Variants in C8orf34 observed in about 807,000 individuals in gnomAD.
C8orf34 encodes the protein chromosome 8 open reading frame 34, also known as uncharacterized protein C8orf34.
C8orf34 carries 65 observed loss-of-function variants against 68.3 expected under a neutral mutation model. That is an observed-to-expected ratio of 0.95 (90% CI 0.78 to 1.17). The LOEUF (loss-of-function observed/expected upper bound fraction) is 1.17. C8orf34 is among the 50% of genes most tolerant of loss of function. The probability of loss-of-function intolerance (pLI) is 0.00; values close to 1 mark genes in which losing one functional copy is unlikely to be tolerated. For missense variants in C8orf34, 664 were observed against 655.4 expected, an observed-to-expected ratio of 1.01 and a Z score of -0.14; for synonymous variants, 244 against 241.2, an observed-to-expected ratio of 1.01 and a Z score of -0.11.
chr8:68,795,318 T>G (rs1337067825), intron 12 of C8orf34, among the ~76,000 whole-genome samples: 1 of 149,250 alleles, frequency 6.7e-6, no homozygotes, highest in Non-Finnish European at 1.5e-5. Flanking sequence ...CAGTTTTTAT[T>G]GACTGCTTTT....
intron 4 of C8orf34, among the ~76,000 whole-genome samples, chr8:68,471,521 C>T (rs1249333912): frequency 6.6e-6 from 1 of 152,100 alleles, no homozygotes; most frequent in Non-Finnish European, 1.5e-5. Flanking sequence ...CAACTGGAAC[C>T]AGGATGTAAT....
chr8:68,749,077 G>C (rs539699562), intron 10 of C8orf34, among the ~76,000 whole-genome samples: 2 of 152,076 alleles, frequency 1.3e-5, no homozygotes, highest in African/African-American at 4.8e-5. Flanking sequence ...ATGAGTTCAC[G>C]TCCTTTGTAG....
chr8:68,577,904 A>G (rs891361230), intron 7 of C8orf34, among the ~76,000 whole-genome samples: 1 of 151,942 alleles, frequency 6.6e-6, no homozygotes, highest in African/African-American at 2.4e-5. Context: ...CGAAAAAAAA[A>G]ATGCTGAAAT....
chr8:68,773,159 A>C (rs1236047856), intron 10 of C8orf34, among the ~76,000 whole-genome samples: 1 of 152,100 alleles, frequency 6.6e-6, no homozygotes, highest in African/African-American at 2.4e-5. Context: ...TTCATTAGCG[A>C]TCCCAGTGAG....
At chr8:68,569,178 G>T (rs2130246700) in intron 7 of C8orf34, among the ~76,000 whole-genome samples, 1 of 152,274 alleles carries the variant, frequency 6.6e-6, no homozygotes, top group African/African-American at 2.4e-5. Flanking sequence ...ACTAAGAAAA[G>T]AAACCTTAAA....
intron 1 of C8orf34, among the ~76,000 whole-genome samples, chr8:68,369,094 T>G (rs1465002955): frequency 6.6e-6 from 1 of 152,232 alleles, no homozygotes; most frequent in African/African-American, 2.4e-5. Flanking sequence ...CTATCTTCTT[T>G]TGGTTCAGAT....
At chr8:68,806,088 G>A (rs999356282) in intron 12 of C8orf34, among the ~76,000 whole-genome samples, 2 of 151,928 alleles carry the variant, frequency 1.3e-5, no homozygotes, top group African/African-American at 4.8e-5. Context: ...TTATATTTTA[G>A]CTTTGTAAAA....
intron 7 of C8orf34, among the ~76,000 whole-genome samples, chr8:68,636,003 G>A (rs1316807449): frequency 1.3e-5 from 2 of 152,156 alleles, no homozygotes; most frequent in Non-Finnish European, 2.9e-5. Context: ...ATTTACCAGA[G>A]ACCCAAAGGC....
At chr8:68,454,380 AG>A (rs1811464664) in intron 3 of C8orf34, among the ~76,000 whole-genome samples, 1 of 152,042 alleles carries the variant, frequency 6.6e-6, no homozygotes, top group African/African-American at 2.4e-5. Context: ...TTACCAGGGA[AG>A]CCGCTTTATC....
At chr8:68,544,242 A>T (rs78813628) in intron 7 of C8orf34, among the ~76,000 whole-genome samples, 1,912 of 152,300 alleles carry the variant, frequency 0.013, 14 homozygotes, top group Non-Finnish European at 0.02. Flanking sequence ...TGAGAAGTGA[A>T]TAGAGAAACA....
chr8:68,772,687 C>T (rs1362613005), intron 10 of C8orf34, among the ~76,000 whole-genome samples: 2 of 147,536 alleles, frequency 1.4e-5, no homozygotes, highest in African/African-American at 2.5e-5. Flanking sequence ...CTTTCTTTCC[C>T]TCCCTCCCTC....
chr8:68,804,068 G>A (rs746315675), intron 12 of C8orf34, among the ~76,000 whole-genome samples: 20 of 152,100 alleles, frequency 1.3e-4, no homozygotes, highest in Non-Finnish European at 2.8e-4. Context: ...ATCTGCAGTG[G>A]TAATGAATCT....
intron 10 of C8orf34, among the ~76,000 whole-genome samples, chr8:68,767,021 T>C (rs1049572858): frequency 6.6e-6 from 1 of 152,106 alleles, no homozygotes; most frequent in Non-Finnish European, 1.5e-5. Context: ...CTGTCTCTAC[T>C]AAAAATACCA....
chr8:68,641,043 A>T (rs1258567332), intron 8 of C8orf34, among the ~76,000 whole-genome samples: 1 of 152,212 alleles, frequency 6.6e-6, no homozygotes, highest in Non-Finnish European at 1.5e-5. Context: ...GTCAGCTCCC[A>T]GTGCTGGTCT....
intron 11 of C8orf34, among the ~76,000 whole-genome samples, chr8:68,786,201 A>T (rs1309689988): frequency 6.6e-6 from 1 of 152,190 alleles, no homozygotes; most frequent in East Asian, 1.9e-4. Flanking sequence ...AATATGTTTG[A>T]AAACATGTTC....
At chr8:68,540,820 C>T (rs371118715) in intron 7 of C8orf34, among the ~76,000 whole-genome samples, 6 of 149,318 alleles carry the variant, frequency 4.0e-5, no homozygotes, top group Non-Finnish European at 7.4e-5. Context: ...CCAGCCTGGG[C>T]GACAGAGCGA....
intron 10 of C8orf34, among the ~76,000 whole-genome samples, chr8:68,728,413 A>G (rs751710431): frequency 1.3e-4 from 19 of 151,950 alleles, no homozygotes; most frequent in Non-Finnish European, 2.1e-4. Flanking sequence ...AACTGTTCCA[A>G]CCTCTGCCTG....
Position 68,666,755 on chromosome 8 carries a change from T to C in C8orf34, c.1241+26244T>C, listed in dbSNP as rs1429416781. Among the ~76,000 whole-genome samples the C allele has an allele frequency of 2.0e-5, 3 of 152,178 alleles. No individual in the cohort carries two copies. The East Asian group carries it at 5.8e-4, about 29-fold the overall frequency. On this transcript the variant is annotated intron_variant, in intron 8 of 13. Transcript: ENST00000518698. ...ACTCCAAATTATATTTTTGTTTACA[T>C]ACAAAAAGAAACAATTTAGAAAAAA... is the stretch of plus-strand genomic sequence containing the variant.
chr8:68,673,308 C>T lies in C8orf34; in HGVS notation c.1241+32797C>T, dbSNP rs115591711. Among the ~76,000 whole-genome samples the T allele has an allele frequency of 3.5e-3, 526 of 151,682 alleles. 3 individuals are homozygous for T. The highest frequency in any genetic ancestry group is 0.012 in the African/African-American group (484 of 41,456). Reference sequence around the variant, plus strand: ...AGCTCAGCCACACCTAATTGTGGACCCCAAGTAGACCCCTAAGTGGACTCT... The same window carrying T: ...AGCTCAGCCACACCTAATTGTGGACTCCAAGTAGACCCCTAAGTGGACTCT... On this transcript the variant is annotated intron_variant, in intron 8 of 13. Transcript: ENST00000518698.
Sources: allele counts gnomAD v4.1 joint callset (sites outside exome capture counted in the v4.1 genomes callset), GRCh38; gene constraint gnomAD v4.1.1; transcripts MANE v1.5; gene names NCBI Gene and HGNC (gene_info 2026-07-23, HGNC 2026-07-21).